PAG1: variants seen among roughly 807,000 people sequenced by gnomAD.
The protein encoded by PAG1 is phosphoprotein associated with glycosphingolipid-enriched microdomains 1.
PAG1 carries 23 observed loss-of-function variants against 31.7 expected under a neutral mutation model. The observed-to-expected ratio is 0.73, with a 90% CI of 0.52 to 1.03. PAG1 has a LOEUF of 1.03. Ranked by LOEUF, PAG1 falls within the 50% of genes least tolerant of loss-of-function variation. The pLI is 0.00. For synonymous variants in PAG1, 214 were observed against 210.3 expected, an observed-to-expected ratio of 1.02 and a Z score of -0.15; for missense variants, 473 against 540.7, an observed-to-expected ratio of 0.87 and a Z score of 1.24.
In PAG1 at chr8:80,985,226, C is replaced by T. The variant is rs973927304; in HGVS notation, c.426G>A (p.Val142=). ...ELPRIPPESA[V]DTMLTARSVD... ...CACTTCTCGCCGTGAGCATGGTATC[C>T]ACTGCGCTCTCGGGAGGGATTCTGG... Residue 142 remains valine, a synonymous_variant, in exon 7 of 9, where the codon GTG becomes GTA. Coordinates refer to ENST00000220597, the MANE Select transcript of PAG1 (RefSeq NM_018440.4). 1.3e-5 allele frequency: 21 copies of T among 1,614,156 alleles called. No individual in the cohort carries two copies. Among genetic ancestry groups the T allele is most frequent in the Non-Finnish European group, 1.7e-5 (20 of 1,180,030 alleles).
intron 4 of PAG1, among the ~76,000 whole-genome samples, chr8:80,992,032 ATT>A (rs1807561022): frequency 6.6e-6 from 1 of 152,136 alleles, no homozygotes; most frequent in Admixed American, 6.6e-5. Context: ...TAAAAATAGA[ATT>A]TGTTTTTACT....
At chr8:81,029,383 C>CAA (rs1037442156) in intron 3 of PAG1, among the ~76,000 whole-genome samples, 3 of 151,598 alleles carry the variant, frequency 2.0e-5, no homozygotes, top group African/African-American at 7.3e-5. Flanking sequence ...CACACACACA[C>CAA]ACACACCCCT....
intron 3 of PAG1, among the ~76,000 whole-genome samples, chr8:81,026,099 T>A (rs540506894): frequency 1.3e-5 from 2 of 152,220 alleles, no homozygotes; most frequent in Admixed American, 1.3e-4. Context: ...AAAACAGGAA[T>A]GTTAATAATA....
At chr8:81,040,479 A>C (rs1415016875) in intron 2 of PAG1, among the ~76,000 whole-genome samples, 2 of 151,686 alleles carry the variant, frequency 1.3e-5, no homozygotes, top group Non-Finnish European at 2.9e-5. Flanking sequence ...AAAAAAAAAC[A>C]ACAAAAACCC....
At chr8:81,110,521 G>T (rs924315731) in intron 1 of PAG1, among the ~76,000 whole-genome samples, 1 of 152,196 alleles carries the variant, frequency 6.6e-6, no homozygotes, top group Non-Finnish European at 1.5e-5. Context: ...GTAGGGCACT[G>T]CAGCTACCTA....
intron 1 of PAG1, among the ~76,000 whole-genome samples, chr8:81,104,279 T>C (rs965049868): frequency 3.3e-5 from 5 of 152,348 alleles, no homozygotes; most frequent in Admixed American, 1.3e-4. Context: ...CATTCTGCTT[T>C]GCCTCTGGCT....
At chr8:81,107,443 C>T (rs1471799097) in intron 1 of PAG1, among the ~76,000 whole-genome samples, 1 of 152,178 alleles carries the variant, frequency 6.6e-6, no homozygotes, top group African/African-American at 2.4e-5. Flanking sequence ...TCAGTGGCAG[C>T]AGAACGTTCT....
At chr8:81,092,328 G>A (rs767998738) in intron 1 of PAG1, among the ~76,000 whole-genome samples, 4 of 152,120 alleles carry the variant, frequency 2.6e-5, no homozygotes, top group Non-Finnish European at 5.9e-5. Context: ...AGGCTGCAGT[G>A]AGCTGTGTTC....
chr8:81,039,971 G>T (rs1261334226), intron 2 of PAG1, among the ~76,000 whole-genome samples: 2 of 152,068 alleles, frequency 1.3e-5, no homozygotes, highest in Non-Finnish European at 2.9e-5. Context: ...ATTTTAAAGA[G>T]CTCTGTAAGA....
Position 81,095,676 on chromosome 8 carries a change from G to A in PAG1, c.-234+15915C>T, listed in dbSNP as rs537747739. ...TGTCTCTTTCCACTAGGAAGTAAGG[G>A]TAGATAGCCTGTTTGCTTCTATATG... On this transcript the variant is annotated intron_variant, in intron 1 of 8. Transcript: ENST00000220597. Among the ~76,000 whole-genome samples the A allele has an allele frequency of 2.0e-5, 3 of 152,302 alleles. No homozygotes were observed. The South Asian group carries it at 6.2e-4, about 32-fold the overall frequency.
At chr8:81,026,333 G>A (rs1048507065) in intron 3 of PAG1, among the ~76,000 whole-genome samples, 1 of 151,390 alleles carries the variant, frequency 6.6e-6, no homozygotes, top group African/African-American at 2.4e-5. Flanking sequence ...GGGCAACAGA[G>A]CAAGGCCCTG....
At chr8:81,069,684 G>A (rs1308203245) in intron 2 of PAG1, among the ~76,000 whole-genome samples, 2 of 152,118 alleles carry the variant, frequency 1.3e-5, no homozygotes, top group African/African-American at 4.8e-5. Context: ...TATATTTTTG[G>A]TGGTGGTGGC....
intron 3 of PAG1, among the ~76,000 whole-genome samples, chr8:81,007,412 G>C (rs984566923): frequency 6.7e-6 from 1 of 149,368 alleles, no homozygotes; most frequent in African/African-American, 2.5e-5. Context: ...TCAGGGGTTC[G>C]AGACCAGCCT....
chr8:81,035,049 C>T (rs555489867), intron 2 of PAG1, among the ~76,000 whole-genome samples: 114 of 151,954 alleles, frequency 7.5e-4, no homozygotes, highest in African/African-American at 2.2e-3. Flanking sequence ...TCGGTGGTGG[C>T]GGTGGGTGGG....
At chr8:80,996,421 GTCTC>G (rs1052047529) in intron 3 of PAG1, among the ~76,000 whole-genome samples, 4 of 152,240 alleles carry the variant, frequency 2.6e-5, no homozygotes, top group South Asian at 4.2e-4. Flanking sequence ...TTCTCTCCTG[GTCTC>G]TCTCTCTTTT....
Position 80,985,070 on chromosome 8 carries a change from T to C in PAG1, c.582A>G (p.Ala194=). Residue 194 remains alanine, a synonymous_variant, in exon 7 of 9, where the codon GCA becomes GCG. Transcript: ENST00000220597. ...TGCCACTGTGGCCTTTCTCCAGGTG[T>C]GCAGCTGCAGCCACCTCCTTGATCT... ...VKEIKEVAAA[A]HLEKGHSGKA... 6.2e-7 allele frequency: 1 copy of C among 1,614,150 alleles called. No individual in the cohort carries two copies. The highest frequency in any genetic ancestry group is 8.5e-7 in the Non-Finnish European group (1 of 1,180,012).
chr8:80,981,482 TCTC>T (rs1189154853), intron 7 of PAG1, among the ~76,000 whole-genome samples: 1 of 152,024 alleles, frequency 6.6e-6, no homozygotes, highest in Non-Finnish European at 1.5e-5. Context: ...CTTTGCATCT[TCTC>T]CTCTTCTCCC....
chr8:81,004,017 C>T (rs1048254309), intron 3 of PAG1, among the ~76,000 whole-genome samples: 7 of 152,162 alleles, frequency 4.6e-5, no homozygotes, highest in African/African-American at 1.7e-4. Flanking sequence ...CATGGTACAC[C>T]GGCTGCAGGG....
intron 1 of PAG1, among the ~76,000 whole-genome samples, chr8:81,099,376 A>T (rs1016072133): frequency 1.3e-5 from 2 of 152,178 alleles, no homozygotes; most frequent in Non-Finnish European, 2.9e-5. Context: ...AGAGGGGGTG[A>T]CCACCATTGA....
Sources: allele counts gnomAD v4.1 joint callset (sites outside exome capture counted in the v4.1 genomes callset), GRCh38; gene constraint gnomAD v4.1.1; transcripts MANE v1.5; gene names NCBI Gene and HGNC (gene_info 2026-07-23, HGNC 2026-07-21).